The following TTN variants were observed in gnomAD, a reference collection of about 807,000 sequenced individuals.
TTN encodes the protein titin.
In TTN, 1,525 loss-of-function variants were observed where a neutral mutation model predicts 3,223.0. That is an observed-to-expected ratio of 0.47 (90% confidence interval 0.45 to 0.49). The LOEUF (loss-of-function observed/expected upper bound fraction) is 0.49, where lower values mean the gene tolerates loss of function less well. Among genes scored for constraint, TTN ranks in the 20% least tolerant of loss-of-function variants. TTN has a pLI of 0.00. For missense variants in TTN, 40,786 were observed against 43,424.0 expected, an observed-to-expected ratio of 0.94 and a Z score of 5.40; for synonymous variants, 14,094 against 15,161.0, an observed-to-expected ratio of 0.93 and a Z score of 5.17.
intron 64 of TTN, 45 bp from the exon 65 acceptor site, chr2:178,729,214 CT>C: frequency 1.3e-6 from 2 of 1,550,492 alleles, no homozygotes; most frequent in Non-Finnish European, 1.7e-6. Context: ...CATATTGTAA[CT>C]CCTACCCATA....
intron 319 of TTN, 45 bp from the exon 320 acceptor site, chr2:178,579,438 C>T (rs1214498900): frequency 8.3e-6 from 13 of 1,557,694 alleles, no homozygotes; most frequent in South Asian, 6.0e-5. Context: ...TAAGGCCAGG[C>T]GATTAACTTT....
chr2:178,545,358 T>C (rs766943827), intron 344 of TTN, 30 bp downstream of exon 344: 2 of 1,512,918 alleles, frequency 1.3e-6, no homozygotes, highest in Admixed American at 4.4e-5. Context: ...TTGAGGAGCA[T>C]TGTATTTATG....
rs1690829202 is a variant in TTN, at chr2:178,535,075, G to A, written c.101540C>T (p.Ala33847Val). 1 of 1,613,746 alleles carries A rather than the reference G, an allele frequency of 6.2e-7. No homozygotes were observed. Among genetic ancestry groups the A allele is most frequent in the South Asian group, 1.1e-5 (1 of 91,072 alleles). ...AGTCCCTTTGACTTTAACAAATTTG[G>A]CCATGTATGTCTTCTTTGAGGATGT... ...VETSSKKTYM[A>V]KFVKVKGTDQ... The change falls in exon 358 of 363, where the codon GCC becomes GTC. Residue 33847 changes from alanine (A) to valine (V), a missense_variant. Physicochemically the swap from Ala to Val is moderately conservative, Grantham distance 64. Coordinates refer to ENST00000589042, the MANE Select transcript of TTN (RefSeq NM_001267550.2).
intron 70 of TTN, 52 bp from the exon 71 acceptor site, chr2:178,725,701 C>G (rs911549286): frequency 6.5e-7 from 1 of 1,549,100 alleles, no homozygotes; most frequent in African/African-American, 1.4e-5. Flanking sequence ...CCAGATCATG[C>G]GAGAGTGAAA....
chr2:178,532,697 G>C lies in TTN; in HGVS notation c.103918C>G (p.Pro34640Ala). Residue 34640 changes from proline to alanine, a missense_variant, in exon 358 of 363, where the codon CCT (proline) becomes GCT (alanine). Transcript: ENST00000589042. ...TAGTAAAAGTCATAATCAGGAGAAG[G>C]TGTACGCCGGCGGGCTGGTCTCACT... ...EIVRPARRRT[P>A]SPDYDFYYRP... The C allele has an allele frequency of 6.2e-7, 1 of 1,613,964 alleles. No individual in the cohort carries two copies. Among genetic ancestry groups the C allele is most frequent in the Non-Finnish European group, 8.5e-7 (1 of 1,179,878 alleles).
At chr2:178,666,695 C>A in intron 163 of TTN, 129 bp downstream of exon 163, 1 of 714,546 alleles carries the variant, frequency 1.4e-6, no homozygotes, top group Non-Finnish European at 2.2e-6. Flanking sequence ...TGAGCTTCTA[C>A]TTGGGGGATC....
At chr2:178,673,761 A>C (rs565387176) in intron 151 of TTN, 51 bp from the exon 152 acceptor site, 10 of 1,286,258 alleles carry the variant, frequency 7.8e-6, no homozygotes, top group African/African-American at 3.0e-5. Flanking sequence ...GATGAGCAGA[A>C]CACCACCCAT....
intron 43 of TTN, among the ~76,000 whole-genome samples, chr2:178,760,690 C>T (rs765700168): frequency 2.0e-5 from 3 of 152,042 alleles, no homozygotes; most frequent in Admixed American, 6.5e-5. Flanking sequence ...TGATATAACA[C>T]ACATGGAAGG....
Position 178,573,082 on chromosome 2 carries a change from A to G in TTN, c.73050T>C (p.Asp24350=), listed in dbSNP as rs1708832131. The G allele has an allele frequency of 1.2e-6, 2 of 1,613,290 alleles. No individual in the cohort carries two copies. The highest frequency in any genetic ancestry group is 1.7e-5 in the Admixed American group (1 of 59,978). The change falls in exon 326 of 363, where the codon GAT becomes GAC. Residue 24350 remains aspartate, a synonymous_variant. Transcript: ENST00000589042. ...TATACCCAGTGATTTCTGAACCACCATCATAGATAGGTTTATTCCAAGCGA... is the reference window on the plus strand; with the variant it reads ...TATACCCAGTGATTTCTGAACCACCGTCATAGATAGGTTTATTCCAAGCGA... ...ISIAWNKPIY[D]GGSEITGYMV...
Position 178,781,107 on chromosome 2 carries a change from G to A in TTN, c.3523+14C>T. 1 of 1,613,778 alleles carries A rather than the reference G, an allele frequency of 6.2e-7. No homozygotes were observed. Among genetic ancestry groups the A allele is most frequent in the Non-Finnish European group, 8.5e-7 (1 of 1,179,860 alleles). On this transcript the variant is annotated intron_variant, in intron 21 of 362. Coordinates refer to ENST00000589042, the MANE Select transcript of TTN (RefSeq NM_001267550.2). Reference sequence around the variant, plus strand: ...AGTTCTTATCATGCACATAGAAACTGGAGTTGCACTTACCTTCTTCAAGCA... The same window carrying A: ...AGTTCTTATCATGCACATAGAAACTAGAGTTGCACTTACCTTCTTCAAGCA...
chr2:178,699,123 A>G (rs1303555970), intron 111 of TTN, among the ~76,000 whole-genome samples: 3 of 152,004 alleles, frequency 2.0e-5, no homozygotes, highest in Non-Finnish European at 4.4e-5. Flanking sequence ...TAGAAAATGT[A>G]CTGTGATCTT....
Position 178,576,639 on chromosome 2 carries a change from G to A in TTN, c.69605C>T (p.Thr23202Ile). The A allele has an allele frequency of 6.2e-7, 1 of 1,613,574 alleles. No individual in the cohort carries two copies. Among genetic ancestry groups the A allele is most frequent in the South Asian group, 1.1e-5 (1 of 91,060 alleles). Residue 23202 changes from threonine to isoleucine, a missense_variant, in exon 325 of 363, where the codon ACA (threonine) becomes ATA (isoleucine). Thr to Ile is a moderately conservative substitution (Grantham distance 89). Coordinates refer to ENST00000589042, the MANE Select transcript of TTN (RefSeq NM_001267550.2). This position sits in a 1 kb window ranked among gnomAD's most constrained non-coding sequence, Gnocchi z 4.3. The part of the protein sequence containing the change: ...TPVSDLRCKV[T>I]GLQEGSTYEF... Reference sequence around the variant, plus strand: ...GTAGGTGCTTCCTTCTTGCAGTCCTGTTACTTTGCACCTGAGATCGGAAAC... The same window carrying A: ...GTAGGTGCTTCCTTCTTGCAGTCCTATTACTTTGCACCTGAGATCGGAAAC...
Position 178,800,443 on chromosome 2 carries a change from T to C in TTN, c.535A>G (p.Thr179Ala), listed in dbSNP as rs1453734474. ...EDSGTYSVNATNSVGRATSTA... is the reference protein window; with the variant it reads ...EDSGTYSVNAANSVGRATSTA... ...GAAGTAGCTCTTCCAACGCTATTGG[T>C]GGCATTTACTGAATAGGTCCCTGAG... The change falls in exon 4 of 363, where the codon ACC becomes GCC. Residue 179 changes from threonine (T) to alanine (A), a missense_variant. Thr to Ala is a moderately conservative substitution (Grantham distance 58, BLOSUM62 0). Transcript: ENST00000589042. 2.5e-6 allele frequency: 4 copies of C among 1,614,192 alleles called. No homozygotes were observed. In the South Asian group the frequency reaches 4.4e-5, roughly 18 times the overall value.
At chr2:178,774,178 T>C in intron 30 of TTN, 29 bp downstream of exon 30, 1 of 1,614,166 alleles carries the variant, frequency 6.2e-7, no homozygotes, top group African/African-American at 1.3e-5. Context: ...TGATGCTCAC[T>C]GCAGGCTGAC....
At chr2:178,623,469 G>C (rs56285382) in intron 242 of TTN, among the ~76,000 whole-genome samples, 3,253 of 151,980 alleles carry the variant, frequency 0.021, 65 homozygotes, top group East Asian at 0.095. Context: ...AGAGCTCCCT[G>C]TGAGTCCTTC....
At position 178,557,737 on chromosome 2, in the gene TTN, T is replaced by C. The variant is rs1702073480; in HGVS notation, c.87617A>G (p.Glu29206Gly). 2 of 1,613,876 alleles carry C rather than the reference T, an allele frequency of 1.2e-6. No individual in the cohort carries two copies. Among genetic ancestry groups the C allele is most frequent in the Non-Finnish European group, 8.5e-7 (1 of 1,179,866 alleles). ...TGCCTTGATGCGGAATTGGTATTCT[T>C]CTCCTGTGGTCAGTTTCATGACTTT... ...MMKVMKLTTG[E>G]EYQFRIKAEN... The change falls in exon 328 of 363, where the codon GAA becomes GGA. Residue 29206 changes from glutamate (E) to glycine (G), a missense_variant. Transcript: ENST00000589042.
rs757561934 is a variant in TTN, at chr2:178,548,395, G to T, written c.93231C>A (p.Val31077=). ...ACGGAACACCTTCGGCCAGGTCATT[G>T]ACCTTGAAGATCTGACGAGTGCATT... is the stretch of plus-strand genomic sequence containing the variant. The part of the protein sequence containing the change: ...SEKCTRQIFK[V]NDLAEGVPYY... Residue 31077 remains valine (V), a synonymous_variant, in exon 339 of 363, where the codon GTC becomes GTA. Coordinates refer to ENST00000589042, the MANE Select transcript of TTN (RefSeq NM_001267550.2). The surrounding 1 kb of genome is among the most constrained non-coding windows in gnomAD (Gnocchi z 4.3). The T allele has an allele frequency of 3.1e-6, 5 of 1,613,834 alleles. No homozygotes were observed. The South Asian group carries it at 5.5e-5, about 18-fold the overall frequency.
chr2:178,764,346 A>G (rs1490141573), intron 42 of TTN, 44 bp from the exon 43 acceptor site: 1 of 1,613,212 alleles, frequency 6.2e-7, no homozygotes, highest in Non-Finnish European at 8.5e-7. Flanking sequence ...AAGTCACCAT[A>G]GAGACCTCAC....
Position 178,554,934 on chromosome 2 carries a change from C to T in TTN, c.88525G>A (p.Gly29509Arg). ...LIKDADRLNS[G>R]CYELKLRNAM... ...TTCCTTAGTTTTAATTCATAGCATCCACTATTAAGGCGATCGGCATCTTTG... is the reference window on the plus strand; with the variant it reads ...TTCCTTAGTTTTAATTCATAGCATCTACTATTAAGGCGATCGGCATCTTTG... Residue 29509 changes from glycine (G) to arginine (R), a missense_variant, in exon 331 of 363, where the codon GGA becomes AGA. Physicochemically the swap from Gly to Arg is moderately radical, Grantham distance 125. Transcript: ENST00000589042. 6.2e-7 allele frequency: 1 copy of T among 1,613,794 alleles called. No individual in the cohort carries two copies. Among genetic ancestry groups the T allele is most frequent in the Non-Finnish European group, 8.5e-7 (1 of 1,179,824 alleles).
Sources: gnomAD v4.1 joint callset for allele counts (sites outside exome capture counted in the v4.1 genomes callset) on GRCh38, gnomAD v4.1.1 for gene constraint, Gnocchi (gnomAD v3.1) non-coding constraint, MANE v1.5 for transcripts, NCBI Gene and HGNC (gene_info 2026-07-23, HGNC 2026-07-21) for gene names.